The following RANBP2 variants were observed in gnomAD, a reference collection of about 807,000 sequenced individuals.
RANBP2 encodes RAN binding protein 2, also known as E3 SUMO-protein ligase RanBP2.
A neutral mutation model predicts 303.6 loss-of-function variants in RANBP2; 57 were observed. The ratio of observed to expected loss-of-function variants is 0.19; its 90% confidence interval spans 0.15 to 0.23. The LOEUF (loss-of-function observed/expected upper bound fraction) is 0.23. Among genes scored for constraint, RANBP2 ranks in the 10% least tolerant of loss-of-function variants. The pLI is 1.00. For missense variants in RANBP2, 3,138 were observed against 3,780.8 expected (o/e 0.83, Z 4.46); for synonymous variants, 1,167 against 1,301.5 (o/e 0.90, Z 2.23).
the RANBP2 span, among the ~76,000 whole-genome samples, chr2:108,899,838 C>T: frequency 6.6e-6 from 1 of 151,924 alleles, no homozygotes; most frequent in Non-Finnish European, 1.5e-5. Flanking sequence ...ACACAAAAAA[C>T]ACATTGGCGT....
At chr2:108,799,285 C>T in the RANBP2 span, among the ~76,000 whole-genome samples, 2 of 152,250 alleles carry the variant, frequency 1.3e-5, no homozygotes, top group South Asian at 2.1e-4. Flanking sequence ...ATATACCTTG[C>T]TTCATATTAA....
chr2:109,612,023 TA>T, the RANBP2 span, among the ~76,000 whole-genome samples: 1 of 152,148 alleles, frequency 6.6e-6, no homozygotes, highest in Admixed American at 6.5e-5. Context: ...CATTATGAGT[TA>T]CTGTACATGA....
At chr2:109,047,718 A>G in the RANBP2 span, among the ~76,000 whole-genome samples, 16 of 152,332 alleles carry the variant, frequency 1.1e-4, no homozygotes, top group African/African-American at 3.4e-4. Flanking sequence ...CCTGAGGCAC[A>G]AGAATTGCTT....
chr2:109,215,205 C>T, the RANBP2 span, among the ~76,000 whole-genome samples: 1 of 152,166 alleles, frequency 6.6e-6, no homozygotes, highest in Non-Finnish European at 1.5e-5. Flanking sequence ...CTGTAACCTC[C>T]CCTCATGGTC....
At position 108,764,913 on chromosome 2, in the gene RANBP2, A is replaced by G; in HGVS notation, c.4374A>G (p.Lys1458=). The G allele has an allele frequency of 1.9e-6, 3 of 1,614,054 alleles. No individual in the cohort carries two copies. Among genetic ancestry groups the G allele is most frequent in the South Asian group, 2.2e-5 (2 of 91,074 alleles). The change falls in exon 20 of 29, where the codon AAA becomes AAG. Residue 1458 remains lysine, a synonymous_variant. Transcript: ENST00000283195. The part of the protein sequence containing the change: ...GSSFVHQASF[K]FGQGDLPKPI... ...CATTTGTTCATCAAGCTTCATTTAAATTTGGCCAGGGAGATCTTCCTAAAC... is the reference window on the plus strand; with the variant it reads ...CATTTGTTCATCAAGCTTCATTTAAGTTTGGCCAGGGAGATCTTCCTAAAC...
At chr2:109,688,931 CGG>C in the RANBP2 span, among the ~76,000 whole-genome samples, 3 of 148,178 alleles carry the variant, frequency 2.0e-5, no homozygotes, top group Admixed American at 6.8e-5. Context: ...TTTTTTAAGA[CGG>C]AGTTTCACTC....
chr2:109,323,171 G>A, the RANBP2 span, among the ~76,000 whole-genome samples: 3 of 152,204 alleles, frequency 2.0e-5, no homozygotes, highest in Admixed American at 6.5e-5. Flanking sequence ...CAATGGGTGG[G>A]AAGGGGAGGT....
At chr2:108,979,986 T>TCA in the RANBP2 span, among the ~76,000 whole-genome samples, 31,835 of 151,584 alleles carry the variant, frequency 0.21, 3,529 homozygotes, top group Middle Eastern at 0.29. Flanking sequence ...CTCTGCTTCT[T>TCA]CACTTGAAAA....
intron 2 of RANBP2, among the ~76,000 whole-genome samples, chr2:108,729,554 AAAATT>A (rs1283824586): frequency 6.6e-6 from 1 of 152,206 alleles, no homozygotes; most frequent in Non-Finnish European, 1.5e-5. Context: ...CAATGAATAA[AAAATT>A]AAACCGTAAT....
chr2:109,080,282 C>T, the RANBP2 span, among the ~76,000 whole-genome samples: 259 of 96,230 alleles, frequency 2.7e-3, 1 homozygote, highest in African/African-American at 7.2e-3. Flanking sequence ...AGTGGCTGGG[C>T]AGCAGAGGCT....
At chr2:109,029,714 G>A in the RANBP2 span, among the ~76,000 whole-genome samples, 1 of 152,124 alleles carries the variant, frequency 6.6e-6, no homozygotes, top group Non-Finnish European at 1.5e-5. Flanking sequence ...TCCTTTCCTG[G>A]CTGGAACAGC....
the RANBP2 span, among the ~76,000 whole-genome samples, chr2:109,197,705 C>G: frequency 3.3e-5 from 5 of 152,218 alleles, no homozygotes; most frequent in African/African-American, 1.2e-4. Flanking sequence ...CCCAGTAGGG[C>G]CGGGTGTGTG....
chr2:109,042,536 G>A, the RANBP2 span, among the ~76,000 whole-genome samples: 1 of 152,096 alleles, frequency 6.6e-6, no homozygotes, highest in African/African-American at 2.4e-5. Context: ...AACACCATTA[G>A]TCTATCATCC....
chr2:108,892,055 TTGG>T, the RANBP2 span, among the ~76,000 whole-genome samples: 2 of 152,088 alleles, frequency 1.3e-5, no homozygotes, highest in African/African-American at 4.8e-5. Flanking sequence ...GGCACCACCA[TTGG>T]TGGCCAGGAT....
the RANBP2 span, among the ~76,000 whole-genome samples, chr2:109,292,775 C>T: frequency 6.4e-4 from 97 of 152,276 alleles, 1 homozygote; most frequent in Middle Eastern, 3.4e-3. Flanking sequence ...TCTTGTTGCC[C>T]AGGCTGGAGT....
At chr2:109,401,420 A>T in the RANBP2 span, among the ~76,000 whole-genome samples, 1 of 152,106 alleles carries the variant, frequency 6.6e-6, no homozygotes, top group Non-Finnish European at 1.5e-5. Flanking sequence ...GGCCACTCTC[A>T]CTGTAGTCAG....
At chr2:108,849,831 A>G in the RANBP2 span, among the ~76,000 whole-genome samples, 1 of 152,194 alleles carries the variant, frequency 6.6e-6, no homozygotes, top group South Asian at 2.1e-4. Flanking sequence ...GGGCCAAGGT[A>G]CATGCTGCTG....
At chr2:109,000,454 A>C in the RANBP2 span, among the ~76,000 whole-genome samples, 4 of 152,260 alleles carry the variant, frequency 2.6e-5, no homozygotes, top group Admixed American at 6.5e-5. Context: ...TGAATCTGGG[A>C]GACAGAGGCT....
the RANBP2 span, among the ~76,000 whole-genome samples, chr2:108,868,215 T>G: frequency 1.3e-5 from 2 of 152,016 alleles, no homozygotes; most frequent in African/African-American, 4.8e-5. Context: ...GTTTATTTTC[T>G]TAAGTTACTC....
Sources: gnomAD v4.1 joint callset for allele counts (sites outside exome capture counted in the v4.1 genomes callset) on GRCh38, gnomAD v4.1.1 for gene constraint, MANE v1.5 for transcripts, NCBI Gene and HGNC (gene_info 2026-07-23, HGNC 2026-07-21) for gene names.